ITGBL1: variants seen among roughly 807,000 people sequenced by gnomAD.
The protein encoded by ITGBL1 is integrin subunit beta like 1.
ITGBL1 carries 51 observed loss-of-function variants against 68.5 expected under a neutral mutation model. The ratio of observed to expected loss-of-function variants is 0.74; its 90% confidence interval spans 0.59 to 0.94. The LOEUF is 0.94. Among genes scored for constraint, ITGBL1 ranks in the 40% least tolerant of loss-of-function variants. ITGBL1 has a pLI of 0.00. For missense variants in ITGBL1, 649 were observed against 647.4 expected (o/e 1.00, Z -0.03); for synonymous variants, 209 against 227.3 (o/e 0.92, Z 0.72).
intron 2 of ITGBL1, among the ~76,000 whole-genome samples, chr13:101,464,517 GTCTC>G (rs767252061): frequency 6.6e-6 from 1 of 151,030 alleles, no homozygotes. Flanking sequence ...CCCAGAGAGG[GTCTC>G]TCTCTCTCTC....
At chr13:101,526,340 G>A (rs956639731) in intron 2 of ITGBL1, among the ~76,000 whole-genome samples, 13 of 151,544 alleles carry the variant, frequency 8.6e-5, no homozygotes, top group African/African-American at 2.9e-4. Flanking sequence ...GGTGTGTGAT[G>A]TTCTCCTCCC....
chr13:101,471,486 T>C (rs2048456014), intron 2 of ITGBL1, among the ~76,000 whole-genome samples: 1 of 152,024 alleles, frequency 6.6e-6, no homozygotes, highest in South Asian at 2.1e-4. Context: ...TTTAGTGGCT[T>C]ACAGAAAGGC....
At chr13:101,547,925 G>GTA (rs1347952204) in intron 2 of ITGBL1, among the ~76,000 whole-genome samples, 5 of 150,208 alleles carry the variant, frequency 3.3e-5, no homozygotes, top group African/African-American at 4.9e-5. Context: ...ATATATATGT[G>GTA]TATATATATA....
intron 6 of ITGBL1, among the ~76,000 whole-genome samples, chr13:101,593,211 T>C (rs2050685923): frequency 6.6e-6 from 1 of 151,764 alleles, no homozygotes. Context: ...AGATACCTCT[T>C]CACTCCAGTT....
At chr13:101,697,320 T>A (rs1010520302) in intron 8 of ITGBL1, among the ~76,000 whole-genome samples, 1 of 152,188 alleles carries the variant, frequency 6.6e-6, no homozygotes, top group African/African-American at 2.4e-5. Flanking sequence ...GATGACACTA[T>A]GTTGTATTTC....
At chr13:101,603,352 G>A (rs2030505971) in intron 7 of ITGBL1, among the ~76,000 whole-genome samples, 1 of 151,950 alleles carries the variant, frequency 6.6e-6, no homozygotes, top group Non-Finnish European at 1.5e-5. Flanking sequence ...TCCCCTAAGG[G>A]TTGTAAGTAG....
chr13:101,598,704 C>T (rs59826888), intron 7 of ITGBL1, among the ~76,000 whole-genome samples: 3,476 of 151,996 alleles, frequency 0.023, 151 homozygotes, highest in African/African-American at 0.08. Context: ...TTTGTCCTTG[C>T]AATAGTTTGC....
intron 2 of ITGBL1, among the ~76,000 whole-genome samples, chr13:101,507,455 C>T (rs1438926988): frequency 1.3e-5 from 2 of 152,006 alleles, no homozygotes; most frequent in Non-Finnish European, 2.9e-5. Flanking sequence ...CAAATAATAC[C>T]TATTTCTAGA....
At chr13:101,601,819 G>A (rs531574589) in intron 7 of ITGBL1, among the ~76,000 whole-genome samples, 212 of 152,150 alleles carry the variant, frequency 1.4e-3, no homozygotes, top group Middle Eastern at 3.4e-3. Context: ...TATAATTTCT[G>A]TTCTTTTACA....
At chr13:101,666,754 G>A (rs2033229078) in intron 7 of ITGBL1, among the ~76,000 whole-genome samples, 1 of 152,146 alleles carries the variant, frequency 6.6e-6, no homozygotes, top group South Asian at 2.1e-4. Context: ...AAAGTCACTA[G>A]AGCAGTCACC....
chr13:101,695,947 G>C (rs545663998), intron 8 of ITGBL1, among the ~76,000 whole-genome samples: 10 of 152,262 alleles, frequency 6.6e-5, no homozygotes, highest in African/African-American at 2.4e-4. Context: ...TCATAACTCT[G>C]CCAACAGTCT....
chr13:101,646,759 C>G (rs1238930569), intron 7 of ITGBL1, among the ~76,000 whole-genome samples: 1 of 151,878 alleles, frequency 6.6e-6, no homozygotes, highest in Admixed American at 6.6e-5. Flanking sequence ...GAATGCTGAA[C>G]CACACTAAAA....
rs1202469728 is a variant in ITGBL1 at position 101,605,334 on chromosome 13, A to C, written c.1015+7035A>C. Among the ~76,000 whole-genome samples, 2 of 151,270 alleles carry C rather than the reference A, an allele frequency of 1.3e-5. 1 individual carries two copies. The highest frequency in any genetic ancestry group is 3.0e-5 in the Non-Finnish European group (2 of 67,610). ...TGTATATATGCATATGCGTATATAT[A>C]TATACACATATCTAGACATGTATGT... On this transcript the variant is annotated intron_variant, in intron 7 of 10. Transcript: ENST00000376180.
At chr13:101,606,597 A>G (rs2030873046) in intron 7 of ITGBL1, among the ~76,000 whole-genome samples, 1 of 2,826 alleles carries the variant, frequency 3.5e-4, no homozygotes, top group Non-Finnish European at 6.4e-4. Flanking sequence ...CATCAGTTTG[A>G]CTTTGGTTTA....
At chr13:101,612,677 T>C (rs1381171926) in intron 7 of ITGBL1, among the ~76,000 whole-genome samples, 1 of 152,114 alleles carries the variant, frequency 6.6e-6, no homozygotes, top group African/African-American at 2.4e-5. Context: ...ATTGCAGTTT[T>C]TAGGTTAGGC....
chr13:101,501,341 C>T (rs1455658254), intron 2 of ITGBL1, among the ~76,000 whole-genome samples: 2 of 152,260 alleles, frequency 1.3e-5, no homozygotes, highest in African/African-American at 2.4e-5. Context: ...GAGTGACTGT[C>T]CTGTTATCTA....
intron 2 of ITGBL1, among the ~76,000 whole-genome samples, chr13:101,546,391 AT>A (rs1416426871): frequency 1.3e-5 from 2 of 152,206 alleles, no homozygotes; most frequent in Non-Finnish European, 2.9e-5. Context: ...GAACAAAACA[AT>A]TCACATGGCA....
intron 6 of ITGBL1, among the ~76,000 whole-genome samples, chr13:101,587,074 T>C (rs190242556): frequency 1.1e-3 from 163 of 152,270 alleles, no homozygotes; most frequent in African/African-American, 3.3e-3. Flanking sequence ...ATCCTGAGAG[T>C]TTTGGTCTTA....
intron 7 of ITGBL1, among the ~76,000 whole-genome samples, chr13:101,663,383 T>C (rs2033136081): frequency 6.6e-6 from 1 of 152,130 alleles, no homozygotes; most frequent in African/African-American, 2.4e-5. Flanking sequence ...TCTAGTCTCT[T>C]TGTGCAGAAA....
Sources: gnomAD v4.1 joint callset for allele counts (sites outside exome capture counted in the v4.1 genomes callset) on GRCh38, gnomAD v4.1.1 for gene constraint, MANE v1.5 for transcripts, NCBI Gene and HGNC (gene_info 2026-07-23, HGNC 2026-07-21) for gene names.